Variants in GRID2 observed in about 807,000 individuals in gnomAD.
The protein encoded by GRID2 is glutamate receptor ionotropic, delta-2.
Under a neutral mutation model 114.8 loss-of-function variants are expected in GRID2, and 33 were observed. The ratio of observed to expected loss-of-function variants is 0.29; its 90% confidence interval spans 0.22 to 0.38. The LOEUF (loss-of-function observed/expected upper bound fraction) is 0.38. GRID2 is among the 10% of genes least tolerant of loss of function. The pLI, the probability that GRID2 is intolerant of heterozygous loss-of-function variation, is 1.00. For missense variants in GRID2, 1,184 were observed against 1,257.7 expected (o/e 0.94, Z 0.89); for synonymous variants, 505 against 449.9 (o/e 1.12, Z -1.55).
At chr4:92,691,707 T>G (rs907966516) in intron 2 of GRID2, among the ~76,000 whole-genome samples, 3 of 152,236 alleles carry the variant, frequency 2.0e-5, no homozygotes, top group African/African-American at 7.2e-5. Context: ...AGACCATGTT[T>G]GGAAAACGGC....
In GRID2 at chr4:93,318,338, C is replaced by T. The variant is rs1202191611; in HGVS notation, c.1246-77269C>T. Among the ~76,000 whole-genome samples the T allele has an allele frequency of 3.3e-5, 5 of 151,810 alleles. No individual in the cohort carries two copies. The East Asian group carries it at 5.8e-4, about 18-fold the overall frequency. On this transcript the variant is annotated intron_variant, in intron 8 of 15. Coordinates refer to ENST00000282020, the MANE Select transcript of GRID2 (RefSeq NM_001510.4). ...ATGATAGATAATCAAATATATGCCA[C>T]CAGTTTGTGAATTAATGTTAGATTA...
At chr4:93,712,983 C>G (rs1253571787) in intron 14 of GRID2, among the ~76,000 whole-genome samples, 1 of 152,112 alleles carries the variant, frequency 6.6e-6, no homozygotes, top group Non-Finnish European at 1.5e-5. Flanking sequence ...CTACCTCCCA[C>G]CTGGCCAATT....
intron 2 of GRID2, among the ~76,000 whole-genome samples, chr4:92,902,017 A>G (rs1747618875): frequency 6.6e-6 from 1 of 152,006 alleles, no homozygotes; most frequent in Non-Finnish European, 1.5e-5. Context: ...GTTTGTTTAT[A>G]TATTTGTTAG....
chr4:93,323,358 GA>G (rs1278751847), intron 8 of GRID2, among the ~76,000 whole-genome samples: 1 of 152,118 alleles, frequency 6.6e-6, no homozygotes, highest in Non-Finnish European at 1.5e-5. Flanking sequence ...GCTGGTTGTA[GA>G]TGTGTGGTAT....
At chr4:92,498,180 AGTT>A (rs1283687547) in intron 1 of GRID2, among the ~76,000 whole-genome samples, 1 of 151,886 alleles carries the variant, frequency 6.6e-6, no homozygotes, top group Admixed American at 6.6e-5. Context: ...TAAATGTTGT[AGTT>A]GTTGTTGCTT....
At chr4:92,731,980 CT>C (rs1305282574) in intron 2 of GRID2, among the ~76,000 whole-genome samples, 1 of 151,646 alleles carries the variant, frequency 6.6e-6, no homozygotes, top group African/African-American at 2.4e-5. Context: ...CTTAGAAATT[CT>C]TAGGGTATGT....
At chr4:92,623,584 G>T (rs1340652603) in intron 2 of GRID2, among the ~76,000 whole-genome samples, 2 of 151,806 alleles carry the variant, frequency 1.3e-5, no homozygotes, top group African/African-American at 4.8e-5. Flanking sequence ...TATCTTGGTA[G>T]TCAGAGACAG....
intron 3 of GRID2, among the ~76,000 whole-genome samples, chr4:93,102,810 G>A (rs1731826355): frequency 6.6e-6 from 1 of 150,612 alleles, no homozygotes; most frequent in African/African-American, 2.4e-5. Flanking sequence ...AGTTAACAGG[G>A]TTATACTGGT....
At chr4:92,495,065 T>C (rs1045886506) in intron 1 of GRID2, among the ~76,000 whole-genome samples, 5 of 151,966 alleles carry the variant, frequency 3.3e-5, no homozygotes, top group Non-Finnish European at 7.4e-5. Context: ...AAATCACTTT[T>C]GTAGTAGTAG....
intron 2 of GRID2, among the ~76,000 whole-genome samples, chr4:93,004,881 T>C (rs1721347898): frequency 6.6e-6 from 1 of 152,126 alleles, no homozygotes; most frequent in African/African-American, 2.4e-5. Flanking sequence ...ATCATGAAAG[T>C]ATTTTTTTCA....
intron 1 of GRID2, among the ~76,000 whole-genome samples, chr4:92,343,099 A>G (rs1727587603): frequency 6.6e-6 from 1 of 152,038 alleles, no homozygotes; most frequent in South Asian, 2.1e-4. Context: ...TTAATTTATC[A>G]TTTCTTATTT....
intron 1 of GRID2, among the ~76,000 whole-genome samples, chr4:92,356,080 T>C (rs1480460903): frequency 1.3e-5 from 2 of 151,704 alleles, no homozygotes; most frequent in African/African-American, 2.4e-5. Context: ...GTCATAACAT[T>C]TTATTTCTTT....
intron 2 of GRID2, among the ~76,000 whole-genome samples, chr4:93,042,317 A>G (rs1209221397): frequency 7.3e-6 from 1 of 137,754 alleles, no homozygotes; most frequent in Non-Finnish European, 1.6e-5. Flanking sequence ...ATATATATAT[A>G]TACACCTATT....
chr4:92,985,695 GT>G (rs1754477208), intron 2 of GRID2, among the ~76,000 whole-genome samples: 1 of 152,076 alleles, frequency 6.6e-6, no homozygotes, highest in Non-Finnish European at 1.5e-5. Flanking sequence ...CTTTAAAGGG[GT>G]TAAGATATTA....
At chr4:93,340,146 T>C (rs926407284) in intron 8 of GRID2, among the ~76,000 whole-genome samples, 1 of 152,146 alleles carries the variant, frequency 6.6e-6, no homozygotes, top group Non-Finnish European at 1.5e-5. Flanking sequence ...TTGTGCCTTG[T>C]GCTGTGTAAC....
chr4:93,010,175 T>A (rs963973929), intron 2 of GRID2, among the ~76,000 whole-genome samples: 2 of 152,094 alleles, frequency 1.3e-5, no homozygotes, highest in Non-Finnish European at 2.9e-5. Flanking sequence ...ATTTTTTTTA[T>A]CATTTTAGAT....
chr4:92,327,488 T>C (rs1487228192), intron 1 of GRID2, among the ~76,000 whole-genome samples: 2 of 152,024 alleles, frequency 1.3e-5, no homozygotes, highest in Non-Finnish European at 2.9e-5. Context: ...ACATGTATTC[T>C]ATGTTTTATC....
chr4:92,774,688 C>T (rs1351812313), intron 2 of GRID2, among the ~76,000 whole-genome samples: 1 of 150,826 alleles, frequency 6.6e-6, no homozygotes, highest in African/African-American at 2.4e-5. Flanking sequence ...CTCCACCTCC[C>T]AGTCTCAAGT....
chr4:92,664,991 T>A (rs1732699602), intron 2 of GRID2, among the ~76,000 whole-genome samples: 1 of 150,884 alleles, frequency 6.6e-6, no homozygotes, highest in African/African-American at 2.4e-5. Flanking sequence ...CCATTCTTTT[T>A]TTTTTTTTTA....
Sources: gnomAD v4.1 joint callset for allele counts (sites outside exome capture counted in the v4.1 genomes callset) on GRCh38, gnomAD v4.1.1 for gene constraint, MANE v1.5 for transcripts, NCBI Gene and HGNC (gene_info 2026-07-23, HGNC 2026-07-21) for gene names.